The following TOX2 variants were observed in gnomAD, a reference collection of about 807,000 sequenced individuals.
TOX2 encodes TOX high mobility group box family member 2, also known as granulosa cell HMG box 1.
A neutral mutation model predicts 47.4 loss-of-function variants in TOX2; 15 were observed. The ratio of observed to expected loss-of-function variants is 0.32; its 90% confidence interval spans 0.21 to 0.49. The LOEUF is 0.49. Ranked by LOEUF, TOX2 falls within the 20% of genes least tolerant of loss-of-function variation. TOX2 has a pLI of 0.99. For synonymous variants in TOX2, 290 were observed against 296.6 expected (o/e 0.98, Z 0.23); for missense variants, 622 against 673.1 (o/e 0.92, Z 0.84).
chr20:43,943,230 A>T (rs769271341), intron 1 of TOX2, among the ~76,000 whole-genome samples: 6 of 152,068 alleles, frequency 3.9e-5, no homozygotes, highest in African/African-American at 7.2e-5. Flanking sequence ...CACAACCCCA[A>T]ATGCCTCCTC....
chr20:44,028,953 G>A (rs1480122738), intron 3 of TOX2, among the ~76,000 whole-genome samples: 3 of 152,106 alleles, frequency 2.0e-5, no homozygotes, highest in African/African-American at 2.4e-5. Flanking sequence ...GAGCACAGGG[G>A]AACCTGCTGG....
intron 2 of TOX2, among the ~76,000 whole-genome samples, chr20:43,999,207 A>C (rs1031196039): frequency 6.6e-6 from 1 of 152,202 alleles, no homozygotes; most frequent in Non-Finnish European, 1.5e-5. Context: ...TTTAGTCTTA[A>C]TGCTGCCATT....
chr20:44,024,911 G>A (rs1158795820), intron 3 of TOX2, among the ~76,000 whole-genome samples: 1 of 152,114 alleles, frequency 6.6e-6, no homozygotes, highest in East Asian at 1.9e-4. Context: ...GTACTTTCCA[G>A]TGTGTTCTAT....
intron 1 of TOX2, among the ~76,000 whole-genome samples, chr20:43,920,318 C>T (rs2069099581): frequency 6.6e-6 from 1 of 152,180 alleles, no homozygotes; most frequent in Non-Finnish European, 1.5e-5. Flanking sequence ...CTCTTTTTGA[C>T]AAAAATTCAT....
intron 2 of TOX2, among the ~76,000 whole-genome samples, chr20:43,982,933 A>G (rs2070193810): frequency 6.6e-6 from 1 of 151,772 alleles, no homozygotes; most frequent in Non-Finnish European, 1.5e-5. Flanking sequence ...CTTTGTTCCT[A>G]GAGTGAGAAT....
intron 2 of TOX2, among the ~76,000 whole-genome samples, chr20:43,977,112 T>C (rs866494246): frequency 6.6e-6 from 1 of 152,134 alleles, no homozygotes; most frequent in Non-Finnish European, 1.5e-5. Flanking sequence ...TCAATATATG[T>C]ATATATTTTT....
chr20:44,017,484 G>GC (rs1471466147), intron 3 of TOX2, among the ~76,000 whole-genome samples: 2 of 152,208 alleles, frequency 1.3e-5, no homozygotes, highest in African/African-American at 4.8e-5. Context: ...GACATGTGGA[G>GC]CATCCCCAAG....
intron 3 of TOX2, among the ~76,000 whole-genome samples, chr20:44,025,121 G>A (rs1193476069): frequency 1.3e-5 from 2 of 152,128 alleles, no homozygotes; most frequent in African/African-American, 2.4e-5. Context: ...CTCTTGGGAT[G>A]GGTTCTTTGG....
At chr20:44,027,982 G>C (rs533593004) in intron 3 of TOX2, among the ~76,000 whole-genome samples, 11 of 152,164 alleles carry the variant, frequency 7.2e-5, no homozygotes, top group African/African-American at 2.4e-4. Context: ...GCCAGACCTC[G>C]GGCTGGGCAC....
chr20:43,955,310 G>A (rs1409673061), intron 1 of TOX2: 1 of 985,170 alleles, frequency 1.0e-6, no homozygotes, highest in African/African-American at 1.7e-5. Context: ...GTCACAGGAG[G>A]GCCCATGGGG....
chr20:44,060,854 AAGAG>A (rs370438370), intron 5 of TOX2, among the ~76,000 whole-genome samples: 5 of 151,872 alleles, frequency 3.3e-5, no homozygotes, highest in Admixed American at 1.3e-4. Context: ...CAAGGAACTA[AAGAG>A]AGAGAACACA....
intron 1 of TOX2, among the ~76,000 whole-genome samples, chr20:43,937,898 C>T (rs1460516331): frequency 1.3e-5 from 2 of 152,150 alleles, no homozygotes; most frequent in African/African-American, 2.4e-5. Flanking sequence ...TGAACCAGCA[C>T]AGATTGGAAA....
At position 44,068,630 on chromosome 20, in the gene TOX2, G is replaced by A; in HGVS notation, c.1485-20G>A. 1 of 1,606,882 alleles carries A rather than the reference G, an allele frequency of 6.2e-7. No homozygotes were observed. Among genetic ancestry groups the A allele is most frequent in the Non-Finnish European group, 8.5e-7 (1 of 1,174,864 alleles). ...GGAGAGGTACCCAACAGCTTTGACA[G>A]CCCCTCCTCTCTCTCACAGCCTGCT... On this transcript the variant is annotated intron_variant, in intron 8 of 8. Transcript: ENST00000341197.
chr20:43,992,863 A>G (rs73120109), intron 2 of TOX2, among the ~76,000 whole-genome samples: 16 of 150,006 alleles, frequency 1.1e-4, no homozygotes, highest in South Asian at 2.1e-4. Flanking sequence ...AAAAAAAAAA[A>G]AAAGAAAAAA....
chr20:44,068,851 A>T lies in TOX2; in HGVS notation c.*165A>T. On this transcript the variant is annotated 3_prime_UTR_variant, in exon 9 of 9. Transcript: ENST00000341197. Reference sequence around the variant, plus strand: ...AGTCTCTTCCTCAACCTCCCACCAGACTCTGCAGAGGCAGCCCACTGCCCA... The same window carrying T: ...AGTCTCTTCCTCAACCTCCCACCAGTCTCTGCAGAGGCAGCCCACTGCCCA... The T allele has an allele frequency of 1.0e-6, 1 of 959,718 alleles. No homozygotes were observed. The highest frequency in any genetic ancestry group is 1.6e-6 in the Non-Finnish European group (1 of 608,600). 59.5% of individuals were successfully genotyped at this position (959,718 alleles called of 1,614,324 possible). A position where few individuals can be genotyped will look rare whatever the true frequency, so the allele number is the denominator to read the frequency against.
At chr20:43,951,568 A>T (rs2069567078) in intron 1 of TOX2, among the ~76,000 whole-genome samples, 1 of 151,562 alleles carries the variant, frequency 6.6e-6, no homozygotes, top group Non-Finnish European at 1.5e-5. Context: ...CAAGAATGAA[A>T]CTCCACCTCA....
intron 2 of TOX2, among the ~76,000 whole-genome samples, chr20:43,979,235 C>T (rs1481489024): frequency 6.6e-6 from 1 of 152,144 alleles, no homozygotes; most frequent in Admixed American, 6.5e-5. Flanking sequence ...TGGAAATCTT[C>T]AGCCCATGAT....
chr20:44,008,387 C>G (rs1273477056), intron 3 of TOX2, among the ~76,000 whole-genome samples: 1 of 152,006 alleles, frequency 6.6e-6, no homozygotes, highest in African/African-American at 2.4e-5. Context: ...TGGTGAAATT[C>G]TGTCTCTACT....
chr20:43,958,145 C>T (rs553551724), intron 1 of TOX2, among the ~76,000 whole-genome samples: 1 of 152,254 alleles, frequency 6.6e-6, no homozygotes, highest in East Asian at 1.9e-4. Flanking sequence ...CGTTTCCATA[C>T]CTAGTTGGGT....
Sources: allele counts gnomAD v4.1 joint callset (sites outside exome capture counted in the v4.1 genomes callset), GRCh38; gene constraint gnomAD v4.1.1; transcripts MANE v1.5; gene names NCBI Gene and HGNC (gene_info 2026-07-23, HGNC 2026-07-21).